Variants in GUCY1A2 observed in about 807,000 individuals in gnomAD.
The protein encoded by GUCY1A2 is guanylate cyclase 1 soluble subunit alpha 2.
In GUCY1A2, 27 loss-of-function variants were observed where a neutral mutation model predicts 63.5. The observed-to-expected ratio is 0.43, with a 90% CI of 0.31 to 0.59. GUCY1A2 has a LOEUF of 0.59. Ranked by LOEUF, GUCY1A2 falls within the 20% of genes least tolerant of loss-of-function variation. The probability of loss-of-function intolerance (pLI) is 0.11; values close to 1 mark genes in which losing one functional copy is unlikely to be tolerated. For missense variants in GUCY1A2, 768 were observed against 913.3 expected (o/e 0.84, Z 2.05); for synonymous variants, 364 against 343.5 (o/e 1.06, Z -0.66).
At chr11:106,781,618 C>T (rs933825202) in intron 5 of GUCY1A2, among the ~76,000 whole-genome samples, 4 of 151,946 alleles carry the variant, frequency 2.6e-5, no homozygotes, top group Non-Finnish European at 4.4e-5. Context: ...GACTGGAGTA[C>T]GGTGGCATGA....
chr11:106,975,288 C>T (rs1591350613), intron 3 of GUCY1A2, among the ~76,000 whole-genome samples: 2 of 152,134 alleles, frequency 1.3e-5, no homozygotes, highest in East Asian at 3.8e-4. Flanking sequence ...TTAATACATG[C>T]TTCATCATAC....
intron 4 of GUCY1A2, among the ~76,000 whole-genome samples, chr11:106,889,850 C>A (rs7119786): frequency 6.6e-6 from 1 of 152,254 alleles, no homozygotes; most frequent in South Asian, 2.1e-4. Flanking sequence ...TTTGGCATTA[C>A]GCAACTTAAT....
intron 3 of GUCY1A2, among the ~76,000 whole-genome samples, chr11:106,941,527 A>T (rs1215432253): frequency 6.6e-6 from 1 of 152,144 alleles, no homozygotes; most frequent in East Asian, 1.9e-4. Context: ...TTCTTGCCCC[A>T]TTTCCATCAT....
At chr11:106,734,804 G>A (rs1182530547) in intron 6 of GUCY1A2, among the ~76,000 whole-genome samples, 2 of 152,024 alleles carry the variant, frequency 1.3e-5, no homozygotes, top group African/African-American at 2.4e-5. Flanking sequence ...TTTGAGGTTG[G>A]AACATCTCGA....
At chr11:106,933,030 G>A (rs551519530) in intron 4 of GUCY1A2, among the ~76,000 whole-genome samples, 1 of 152,130 alleles carries the variant, frequency 6.6e-6, no homozygotes, top group Non-Finnish European at 1.5e-5. Context: ...AGAAAACCTA[G>A]GAAACACCAT....
intron 1 of GUCY1A2, among the ~76,000 whole-genome samples, chr11:107,013,901 C>A (rs987567995): frequency 6.6e-6 from 1 of 152,062 alleles, no homozygotes; most frequent in African/African-American, 2.4e-5. Flanking sequence ...AAATCAAAGA[C>A]TAGATATGTT....
In GUCY1A2 at chr11:106,678,860, ATTT is replaced by A. The variant is rs1186924652; in HGVS notation, c.*8686_*8688del. The A allele has an allele frequency of 5.3e-6, 1 of 189,782 alleles. No individual in the cohort carries two copies. The highest frequency in any genetic ancestry group is 1.1e-5 in the Non-Finnish European group (1 of 90,366). The allele number at this position is 189,782 out of a possible 1,614,324, so 11.8% of individuals were successfully genotyped here. A position where few individuals can be genotyped will look rare whatever the true frequency, so the allele number is the denominator to read the frequency against. On this transcript the variant is annotated 3_prime_UTR_variant, in exon 8 of 8. Transcript: ENST00000526355. ...TTGCAAACCCTGGCTCAATGCCACAATTTTTAAGTCTGTCATATTTATGACTTT... is the reference window on the plus strand; with the variant it reads ...TTGCAAACCCTGGCTCAATGCCACAATTAAGTCTGTCATATTTATGACTTT...
chr11:106,867,864 A>G (rs1404860948), intron 4 of GUCY1A2, among the ~76,000 whole-genome samples: 3 of 152,076 alleles, frequency 2.0e-5, no homozygotes, highest in Admixed American at 6.6e-5. Context: ...ATGGTAGCTC[A>G]GTGCTAGTAA....
intron 1 of GUCY1A2, among the ~76,000 whole-genome samples, chr11:106,987,042 TAAG>T (rs1222023735): frequency 6.6e-6 from 1 of 152,092 alleles, no homozygotes; most frequent in African/African-American, 2.4e-5. Context: ...GAAGTTATGA[TAAG>T]AAGAACCAAG....
At chr11:106,689,653 A>C (rs1591231075) in intron 7 of GUCY1A2, among the ~76,000 whole-genome samples, 7 of 152,098 alleles carry the variant, frequency 4.6e-5, no homozygotes. Flanking sequence ...GCAAATCAAA[A>C]CCACAATAAG....
chr11:106,706,624 C>G (rs971515741), intron 7 of GUCY1A2, among the ~76,000 whole-genome samples: 2 of 150,182 alleles, frequency 1.3e-5, no homozygotes, highest in Admixed American at 6.7e-5. Context: ...GCATGAACTC[C>G]TCACACAGGT....
chr11:106,900,708 CA>C (rs66941852), intron 4 of GUCY1A2, among the ~76,000 whole-genome samples: 14,474 of 152,162 alleles, frequency 0.095, 729 homozygotes, highest in East Asian at 0.13. Context: ...AAGGGAGTCA[CA>C]TGAATTTTTT....
At chr11:106,772,246 A>G (rs912140819) in intron 6 of GUCY1A2, among the ~76,000 whole-genome samples, 2 of 152,210 alleles carry the variant, frequency 1.3e-5, no homozygotes, top group Non-Finnish European at 2.9e-5. Context: ...TTATCAATTT[A>G]CTTTTCAAAG....
intron 6 of GUCY1A2, among the ~76,000 whole-genome samples, chr11:106,730,573 A>T (rs1368750363): frequency 6.6e-6 from 1 of 152,112 alleles, no homozygotes; most frequent in East Asian, 1.9e-4. Context: ...GCTGCAGTGA[A>T]CATACACATG....
chr11:106,728,718 A>T (rs1034523583), intron 6 of GUCY1A2, among the ~76,000 whole-genome samples: 1 of 152,196 alleles, frequency 6.6e-6, no homozygotes, highest in African/African-American at 2.4e-5. Flanking sequence ...TTTTATAATT[A>T]CCGAAGATCA....
At chr11:106,838,839 T>C (rs1477460002) in intron 4 of GUCY1A2, among the ~76,000 whole-genome samples, 1 of 152,128 alleles carries the variant, frequency 6.6e-6, no homozygotes, top group Non-Finnish European at 1.5e-5. Flanking sequence ...TTTTTTCTTG[T>C]AAATTTGTTT....
intron 4 of GUCY1A2, among the ~76,000 whole-genome samples, chr11:106,910,779 A>G (rs1238581753): frequency 6.6e-6 from 1 of 152,064 alleles, no homozygotes; most frequent in Admixed American, 6.6e-5. Context: ...AATTTGAAAC[A>G]TTGGCTGGGA....
intron 4 of GUCY1A2, among the ~76,000 whole-genome samples, chr11:106,881,481 G>A (rs1859822676): frequency 6.6e-6 from 1 of 151,978 alleles, no homozygotes; most frequent in Non-Finnish European, 1.5e-5. Context: ...TATTAAGTCT[G>A]CCTTATGGTG....
At chr11:106,863,037 A>G (rs1160302278) in intron 4 of GUCY1A2, among the ~76,000 whole-genome samples, 1 of 152,070 alleles carries the variant, frequency 6.6e-6, no homozygotes, top group Non-Finnish European at 1.5e-5. Context: ...GCCCCCTCTC[A>G]CTGCTTAGTC....
Sources: allele counts gnomAD v4.1 joint callset (sites outside exome capture counted in the v4.1 genomes callset), GRCh38; gene constraint gnomAD v4.1.1; transcripts MANE v1.5; gene names NCBI Gene and HGNC (gene_info 2026-07-23, HGNC 2026-07-21).